APH1B: variants seen among roughly 807,000 people sequenced by gnomAD.
APH1B encodes gamma-secretase subunit APH-1B.
Under a neutral mutation model 28.2 loss-of-function variants are expected in APH1B, and 27 were observed. The ratio of observed to expected loss-of-function variants is 0.96; its 90% CI spans 0.70 to 1.32. APH1B has a LOEUF of 1.32. Ranked by LOEUF, APH1B falls within the 40% of genes most tolerant of loss-of-function variation. APH1B has a pLI of 0.00. For synonymous variants in APH1B, 141 were observed against 124.6 expected (o/e 1.13, Z -0.88); for missense variants, 305 against 313.6 (o/e 0.97, Z 0.21).
In APH1B at chr15:63,277,698, C is replaced by T. The variant is rs764962212; in HGVS notation, c.75C>T (p.Ile25=). The change falls in exon 1 of 6, where the codon ATC becomes ATT. Residue 25 remains isoleucine (I), a synonymous_variant. Transcript: ENST00000261879. ...CGCTCGCCCTTTATGTCTTCACCAT[C>T]GCCACCGAGCCGTTGCGTATCATCT... ...GPALALYVFT[I]ATEPLRIIFL... 2.3e-5 allele frequency: 37 copies of T among 1,611,556 alleles called. No individual in the cohort carries two copies. Among genetic ancestry groups the T allele is most frequent in the South Asian group, 2.0e-4 (18 of 90,972 alleles).
At chr15:63,278,492 T>TC (rs2038350275) in intron 1 of APH1B, 1 of 376,818 alleles carries the variant, frequency 2.7e-6, no homozygotes, top group African/African-American at 2.1e-5. Context: ...TTTCTTCACC[T>TC]CCCACAAACG....
chr15:63,277,862 GA>G (rs2038341849), intron 1 of APH1B, 126 bp downstream of exon 1: 1 of 932,244 alleles, frequency 1.1e-6, no homozygotes, highest in Non-Finnish European at 1.6e-6. Context: ...GGAGGGTTGA[GA>G]GGGGGAGAGC....
At chr15:63,285,112 A>G (rs372338375) in intron 2 of APH1B, among the ~76,000 whole-genome samples, 5 of 152,348 alleles carry the variant, frequency 3.3e-5, no homozygotes, top group East Asian at 1.9e-4. Context: ...ATGCTTCCAG[A>G]TGGAGAGCAC....
At chr15:63,283,171 G>A (rs1471738778) in intron 2 of APH1B, among the ~76,000 whole-genome samples, 1 of 152,078 alleles carries the variant, frequency 6.6e-6, no homozygotes, top group East Asian at 1.9e-4. Context: ...AAACTTTTTA[G>A]TTTATTTATT....
Position 63,279,172 on chromosome 15 carries a change from G to T in APH1B, c.125G>T (p.Trp42Leu). Residue 42 changes from tryptophan to leucine, a missense_variant, in exon 2 of 6, where the codon TGG becomes TTG. Trp to Leu is a moderately conservative substitution (Grantham distance 61, BLOSUM62 -2). Coordinates refer to ENST00000261879, the MANE Select transcript of APH1B (RefSeq NM_031301.4). Reference sequence around the variant, plus strand: ...CCCGTATTTTTCAGAGCTTTCTTCTGGTTGGTGTCTCTACTGATTTCGTCC... The same window carrying T: ...CCCGTATTTTTCAGAGCTTTCTTCTTGTTGGTGTCTCTACTGATTTCGTCC... Reference protein sequence around the residue: ...IIFLIAGAFFWLVSLLISSLV... With the variant: ...IIFLIAGAFFLLVSLLISSLV... 1.9e-6 allele frequency: 3 copies of T among 1,591,392 alleles called. No homozygotes were observed. Among genetic ancestry groups the T allele is most frequent in the Non-Finnish European group, 2.6e-6 (3 of 1,163,788 alleles).
intron 1 of APH1B, chr15:63,278,198 G>T (rs991949625): frequency 2.1e-5 from 9 of 422,492 alleles, no homozygotes; most frequent in Non-Finnish European, 3.8e-5. Context: ...CCCCCACCCC[G>T]ATCCATTGAA....
In APH1B at chr15:63,306,909, G is replaced by A. The variant is rs1392184747; in HGVS notation, c.*1128G>A. 6.6e-6 allele frequency: 1 copy of A among 152,192 alleles called. No individual in the cohort carries two copies. Among genetic ancestry groups the A allele is most frequent in the Non-Finnish European group, 1.5e-5 (1 of 68,020 alleles). The allele number at this position is 152,192 out of a possible 1,614,324, so 9.4% of individuals were successfully genotyped here. On this transcript the variant is annotated 3_prime_UTR_variant, in exon 6 of 6. Coordinates refer to ENST00000261879, the MANE Select transcript of APH1B (RefSeq NM_031301.4). ...CTCTTTAGATCTAGTCAGTGTCTCT[G>A]GGTTTTGGTAGCAGATACAGCGTTC... is the stretch of plus-strand genomic sequence containing the variant.
chr15:63,283,039 C>T (rs1395882887), intron 2 of APH1B, among the ~76,000 whole-genome samples: 3 of 152,168 alleles, frequency 2.0e-5, no homozygotes, highest in Admixed American at 6.5e-5. Flanking sequence ...GTAAGATGGA[C>T]GTGAACCCAG....
At chr15:63,283,827 T>G in intron 2 of APH1B, among the ~76,000 whole-genome samples, 1 of 152,234 alleles carries the variant, frequency 6.6e-6, no homozygotes, top group Non-Finnish European at 1.5e-5. Flanking sequence ...GTTTTAGCTC[T>G]GATAGCTGGA....
In APH1B at chr15:63,302,289, G is replaced by A. The variant is rs1033506252; in HGVS notation, c.479-56G>A. 14 of 1,597,610 alleles carry A rather than the reference G, an allele frequency of 8.8e-6. No homozygotes were observed. The African/African-American group carries it at 1.5e-4, about 17-fold the overall frequency. ...CCGAGAGCCCGTGCACAGTGCCAGG[G>A]TCCTCAGTGGTTCTGATACCTGTAG... On this transcript the variant is annotated intron_variant, in intron 4 of 5. Transcript: ENST00000261879.
At chr15:63,294,528 C>T (rs1376337045) in intron 4 of APH1B, among the ~76,000 whole-genome samples, 1 of 152,208 alleles carries the variant, frequency 6.6e-6, no homozygotes, top group African/African-American at 2.4e-5. Context: ...TCGTAAGGTT[C>T]ACGTCAGGGT....
In APH1B at chr15:63,305,783, C is replaced by G; in HGVS notation, c.*2C>G. On this transcript the variant is annotated 3_prime_UTR_variant, in exon 6 of 6. Transcript: ENST00000261879. ...CTTTACAACCAGCGCTCCAGATAAC[C>G]TCAGGGAACCAGCACTTCCCAAACC... is the stretch of plus-strand genomic sequence containing the variant. 2 of 1,611,900 alleles carry G rather than the reference C, an allele frequency of 1.2e-6. No individual in the cohort carries two copies. Among genetic ancestry groups the G allele is most frequent in the Non-Finnish European group, 1.7e-6 (2 of 1,179,352 alleles).
chr15:63,308,079 A>G lies in APH1B; in HGVS notation c.*2298A>G, dbSNP rs1436972292. On this transcript the variant is annotated 3_prime_UTR_variant, in exon 6 of 6. Coordinates refer to ENST00000261879, the MANE Select transcript of APH1B (RefSeq NM_031301.4). ...AGTCTTCCTCTGTTGCTGTACATAT[A>G]TTGAAATGCTTTTTTTTTTTTATTT... 4 of 151,974 alleles carry G rather than the reference A, an allele frequency of 2.6e-5. No homozygotes were observed. Among genetic ancestry groups the G allele is most frequent in the African/African-American group, 9.7e-5 (4 of 41,382 alleles). 9.4% of individuals were successfully genotyped at this position (151,974 alleles called of 1,614,324 possible).
In APH1B at chr15:63,278,354, G is replaced by C. The variant is rs1331149657; in HGVS notation, c.113+618G>C. On this transcript the variant is annotated intron_variant, in intron 1 of 5. Transcript: ENST00000261879. ...ACTGTGCGTCTCCTTCTGGGAGCTT[G>C]GTAAATACCGGACTCTGGTGTCCCA... 1.3e-5 allele frequency: 6 copies of C among 456,590 alleles called. No homozygotes were observed. The East Asian group carries it at 3.5e-4, about 26-fold the overall frequency. 28.3% of individuals were successfully genotyped at this position (456,590 alleles called of 1,614,324 possible). A position where few individuals can be genotyped will look rare whatever the true frequency, so the allele number is the denominator to read the frequency against.
At chr15:63,293,483 T>TTTC (rs956326112) in intron 4 of APH1B, among the ~76,000 whole-genome samples, 10 of 150,504 alleles carry the variant, frequency 6.6e-5, no homozygotes, top group Admixed American at 1.3e-4. Context: ...TTTGTGTGTT[T>TTTC]TTCTTCTTCT....
rs200512299 is a variant in APH1B, at chr15:63,302,331, C to G, written c.479-14C>G. The G allele has an allele frequency of 1.4e-4, 222 of 1,612,332 alleles. No homozygotes were observed. The highest frequency in any genetic ancestry group is 1.8e-4 in the Non-Finnish European group (217 of 1,179,282). ...TACCTGTAGGAGTGACACTAATGGT[C>G]GGCTCTCTTTCAGCTTTCATGACGC... On this transcript the variant is annotated splice_polypyrimidine_tract_variant and intron_variant, in intron 4 of 5. Transcript: ENST00000261879.
At chr15:63,287,017 G>C (rs543459353) in intron 3 of APH1B, among the ~76,000 whole-genome samples, 1 of 152,208 alleles carries the variant, frequency 6.6e-6, no homozygotes, top group South Asian at 2.1e-4. Flanking sequence ...TTTAAGATTG[G>C]ATCTAGGTTC....
In APH1B at chr15:63,307,624, A is replaced by ATTCTTT. The variant is rs2038699505; in HGVS notation, c.*1844_*1845insTCTTTT. The ATTCTTT allele has an allele frequency of 6.6e-6, 1 of 152,366 alleles. No homozygotes were observed. Among genetic ancestry groups the ATTCTTT allele is most frequent in the South Asian group, 2.1e-4 (1 of 4,828 alleles). The allele number at this position is 152,366 out of a possible 1,614,324, so 9.4% of individuals were successfully genotyped here. A position where few individuals can be genotyped will look rare whatever the true frequency, so the allele number is the denominator to read the frequency against. ...TACTCATCAAACTGGGATTATTCTT[A>ATTCTTT]TCAAAACATGGTCTTCTTTGAATAA... is the stretch of plus-strand genomic sequence containing the variant. On this transcript the variant is annotated 3_prime_UTR_variant, in exon 6 of 6. Transcript: ENST00000261879.
At position 63,277,975 on chromosome 15, in the gene APH1B, G is replaced by T. The variant is rs1040130669; in HGVS notation, c.113+239G>T. The T allele has an allele frequency of 2.0e-5, 11 of 558,252 alleles. No individual in the cohort carries two copies. In the African/African-American group the frequency reaches 2.1e-4, roughly 11 times the overall value. The allele number at this position is 558,252 out of a possible 1,614,324, so 34.6% of individuals were successfully genotyped here. ...GCTCATGGGTGGGGTTTAGTGATCC[G>T]TGAAGCTACTAAAGTTGTATAAAAA... is the stretch of plus-strand genomic sequence containing the variant. On this transcript the variant is annotated intron_variant, in intron 1 of 5. Coordinates refer to ENST00000261879, the MANE Select transcript of APH1B (RefSeq NM_031301.4).
Sources: allele counts gnomAD v4.1 joint callset (sites outside exome capture counted in the v4.1 genomes callset), GRCh38; gene constraint gnomAD v4.1.1; transcripts MANE v1.5; gene names NCBI Gene and HGNC (gene_info 2026-07-23, HGNC 2026-07-21).